Variants in WWOX observed in about 807,000 individuals in gnomAD.
WWOX encodes the protein WW domain-containing oxidoreductase.
In WWOX, 69 loss-of-function variants were observed where a neutral mutation model predicts 46.2. The observed-to-expected ratio is 1.49, with a 90% CI of 1.23 to 1.82. The LOEUF is 1.82. Ranked by LOEUF, WWOX falls within the 40% of genes most tolerant of loss-of-function variation. WWOX has a pLI of 0.00. For missense variants in WWOX, 919 were observed against 542.6 expected (o/e 1.69, Z -6.89); for synonymous variants, 359 against 202.6 (o/e 1.77, Z -6.56).
intron 8 of WWOX, among the ~76,000 whole-genome samples, chr16:78,942,771 T>C (rs983469269): frequency 6.6e-6 from 1 of 152,142 alleles, no homozygotes; most frequent in African/African-American, 2.4e-5. Flanking sequence ...CAGGCAAACA[T>C]GAGCAAGAAA....
intron 5 of WWOX, among the ~76,000 whole-genome samples, chr16:78,210,057 C>A (rs2036509868): frequency 6.6e-6 from 1 of 151,966 alleles, no homozygotes; most frequent in Non-Finnish European, 1.5e-5. Flanking sequence ...AATTGTGGGT[C>A]CTGGTGATGT....
At chr16:79,068,746 G>C (rs1416155756) in intron 8 of WWOX, among the ~76,000 whole-genome samples, 1 of 151,614 alleles carries the variant, frequency 6.6e-6, no homozygotes, top group Non-Finnish European at 1.5e-5. Flanking sequence ...AGGAGGCCAA[G>C]GCTGCAGTGA....
intron 8 of WWOX, among the ~76,000 whole-genome samples, chr16:79,104,532 G>A (rs951373344): frequency 6.6e-6 from 1 of 152,150 alleles, no homozygotes; most frequent in South Asian, 2.1e-4. Context: ...AGAAATATTA[G>A]TTGACAACTT....
At chr16:79,056,084 TA>T (rs144063291) in intron 8 of WWOX, among the ~76,000 whole-genome samples, 3 of 150,916 alleles carry the variant, frequency 2.0e-5, no homozygotes, top group Admixed American at 6.6e-5. Context: ...GCTCAGCTTG[TA>T]AAAAAAAAGG....
chr16:78,552,069 G>C (rs575849642), intron 8 of WWOX: 3 of 152,184 alleles, frequency 2.0e-5, no homozygotes, highest in African/African-American at 7.2e-5. Context: ...GCATTACCTG[G>C]GGCTCCCTCT....
Position 79,090,280 on chromosome 16 carries a change from C to CGTGTGTGT in WWOX, c.1057-121296_1057-121289dup, listed in dbSNP as rs61538157. On this transcript the variant is annotated intron_variant, in intron 8 of 8. Transcript: ENST00000566780. Reference sequence around the variant, plus strand: ...CCATCCTGACAGATTCTACTGTGTGCGTGTGTGTGTGTGTGTGTGTGTGTG... The same window carrying CGTGTGTGT: ...CCATCCTGACAGATTCTACTGTGTGCGTGTGTGTGTGTGTGTGTGTGTGTGTGTGTGTG... Among the ~76,000 whole-genome samples, 1,098 of 138,356 alleles carry CGTGTGTGT rather than the reference C, an allele frequency of 7.9e-3. 12 individuals carry two copies. Among genetic ancestry groups the CGTGTGTGT allele is most frequent in the Admixed American group, 0.014 (188 of 13,856 alleles). 90.8% of individuals were successfully genotyped at this position (138,356 alleles called of 152,430 possible).
intron 8 of WWOX, among the ~76,000 whole-genome samples, chr16:78,740,082 C>T (rs2049180750): frequency 6.6e-6 from 1 of 152,070 alleles, no homozygotes; most frequent in Non-Finnish European, 1.5e-5. Context: ...TGCCACCTGC[C>T]CTGCTTTGGT....
chr16:78,786,313 T>G (rs1168470791), intron 8 of WWOX, among the ~76,000 whole-genome samples: 5 of 152,208 alleles, frequency 3.3e-5, no homozygotes, highest in Non-Finnish European at 5.9e-5. Context: ...GTGTAAATAG[T>G]GGTACCCTGA....
chr16:78,146,364 T>C (rs1702440303), intron 4 of WWOX, among the ~76,000 whole-genome samples: 1 of 152,142 alleles, frequency 6.6e-6, no homozygotes. Flanking sequence ...ACATTACCTA[T>C]GTTGGGGATC....
intron 8 of WWOX, among the ~76,000 whole-genome samples, chr16:78,906,623 C>G (rs908244626): frequency 6.6e-6 from 1 of 152,172 alleles, no homozygotes; most frequent in African/African-American, 2.4e-5. Flanking sequence ...CAAAACCATG[C>G]CAGTCAGCTT....
chr16:78,459,260 G>T (rs1450039264), intron 8 of WWOX, among the ~76,000 whole-genome samples: 1 of 152,224 alleles, frequency 6.6e-6, no homozygotes, highest in Non-Finnish European at 1.5e-5. Context: ...CACTGAAAGA[G>T]AGTGGTGTAA....
intron 8 of WWOX, among the ~76,000 whole-genome samples, chr16:78,696,756 C>T (rs930532713): frequency 4.6e-5 from 7 of 152,176 alleles, no homozygotes; most frequent in Middle Eastern, 3.4e-3. Flanking sequence ...CTTTGGTGCA[C>T]CCATCACTCG....
chr16:78,726,281 G>A lies in WWOX; in HGVS notation c.1056+293529G>A, dbSNP rs559880376. 2.0e-4 allele frequency among the ~76,000 whole-genome samples: 30 copies of A among 150,740 alleles called. No individual in the cohort carries two copies. The South Asian group carries it at 3.1e-3, about 16-fold the overall frequency. On this transcript the variant is annotated intron_variant, in intron 8 of 8. Coordinates refer to ENST00000566780, the MANE Select transcript of WWOX (RefSeq NM_016373.4). ...GCTCTGTCACCCAGGTTACAGTGCAGTGGCATGATCACGGTTCACTGCAGC... is the reference window on the plus strand; with the variant it reads ...GCTCTGTCACCCAGGTTACAGTGCAATGGCATGATCACGGTTCACTGCAGC...
intron 4 of WWOX, among the ~76,000 whole-genome samples, chr16:78,138,757 C>T (rs369216983): frequency 6.6e-6 from 1 of 152,194 alleles, no homozygotes; most frequent in Non-Finnish European, 1.5e-5. Flanking sequence ...TCAAGAACCA[C>T]GTGCAGCACG....
At chr16:78,213,138 C>A (rs1701918250) in intron 5 of WWOX, among the ~76,000 whole-genome samples, 1 of 151,220 alleles carries the variant, frequency 6.6e-6, no homozygotes. Flanking sequence ...GTAATCCCAG[C>A]TACTCGGGAG....
rs981331740 is a variant in WWOX at position 78,340,865 on chromosome 16, C to G, written c.517-45995C>G. Among the ~76,000 whole-genome samples the G allele has an allele frequency of 3.4e-5, 4 of 118,782 alleles. 2 individuals are homozygous for G. The highest frequency in any genetic ancestry group is 8.0e-5 in the Non-Finnish European group (4 of 50,080). The allele number at this position is 118,782 out of a possible 152,430, so 77.9% of individuals were successfully genotyped here. ...GTGTTTTCAGTATCATGCCACTGTT[C>G]TCACCTGTTTATGTTCTCTTCTGAT... On this transcript the variant is annotated intron_variant, in intron 5 of 8. Transcript: ENST00000566780.
At chr16:79,208,467 A>C (rs559493247) in intron 8 of WWOX, among the ~76,000 whole-genome samples, 1 of 152,310 alleles carries the variant, frequency 6.6e-6, no homozygotes, top group East Asian at 1.9e-4. Context: ...ATGGATCAGT[A>C]AGCATTGATG....
intron 8 of WWOX, among the ~76,000 whole-genome samples, chr16:79,031,313 C>G (rs543174231): frequency 1.3e-5 from 2 of 152,220 alleles, no homozygotes; most frequent in South Asian, 2.1e-4. Context: ...CTGTTTGGTA[C>G]TGATCACTGT....
At chr16:78,741,985 T>C (rs2049239298) in intron 8 of WWOX, among the ~76,000 whole-genome samples, 1 of 152,338 alleles carries the variant, frequency 6.6e-6, no homozygotes, top group South Asian at 2.1e-4. Context: ...CTCTCCCTCC[T>C]TACCTGCCTC....
Sources: allele counts gnomAD v4.1 joint callset (sites outside exome capture counted in the v4.1 genomes callset), GRCh38; gene constraint gnomAD v4.1.1; transcripts MANE v1.5; gene names NCBI Gene and HGNC (gene_info 2026-07-23, HGNC 2026-07-21).